UNC45A: variants seen among roughly 807,000 people sequenced by gnomAD.
UNC45A encodes the protein protein unc-45 homolog A.
UNC45A carries 78 observed loss-of-function variants against 103.2 expected under a neutral mutation model. The observed-to-expected ratio is 0.76, with a 90% CI of 0.63 to 0.91. The LOEUF is 0.91. Ranked by LOEUF, UNC45A falls within the 40% of genes least tolerant of loss-of-function variation. UNC45A has a pLI of 0.00. For missense variants in UNC45A, 1,193 were observed against 1,224.8 expected (o/e 0.97, Z 0.39); for synonymous variants, 495 against 504.6 (o/e 0.98, Z 0.25).
chr15:90,931,410 A>C (rs532110423), upstream of UNC45A: 11 of 1,591,758 alleles, frequency 6.9e-6, no homozygotes, highest in Admixed American at 1.8e-5. Context: ...ACCATCCTGC[A>C]TAAGAGTCGA....
At chr15:90,940,659 T>A in intron 6 of UNC45A, 186 bp downstream of exon 6, 1 of 603,208 alleles carries the variant, frequency 1.7e-6, no homozygotes, top group Non-Finnish European at 2.5e-6. Flanking sequence ...ACACCTGTAA[T>A]CCCAGCACTT....
At chr15:90,945,668 G>A (rs1171135951) in intron 9 of UNC45A, among the ~76,000 whole-genome samples, 1 of 139,004 alleles carries the variant, frequency 7.2e-6, no homozygotes. Flanking sequence ...TTTCGCTCTT[G>A]TTGCCCAGGC....
intron 13 of UNC45A, 53 bp downstream of exon 13, chr15:90,948,847 C>A: frequency 6.6e-7 from 1 of 1,505,360 alleles, no homozygotes; most frequent in Non-Finnish European, 8.9e-7. Context: ...GACAGCTAAC[C>A]CAGGGCATCC....
At chr15:90,942,290 C>A in intron 6 of UNC45A, 147 bp from the exon 7 acceptor site, 1 of 893,944 alleles carries the variant, frequency 1.1e-6, no homozygotes, top group Non-Finnish European at 1.7e-6. Context: ...CTGGGTCATG[C>A]CATCCATTCT....
intron 8 of UNC45A, 36 bp from the exon 9 acceptor site, chr15:90,944,856 C>G: frequency 2.5e-6 from 4 of 1,593,382 alleles, no homozygotes; most frequent in Non-Finnish European, 3.4e-6. Flanking sequence ...GGGGTTGGAA[C>G]TAGTGTTCTA....
upstream of UNC45A, chr15:90,934,927 C>A: frequency 2.3e-6 from 1 of 440,502 alleles, no homozygotes; most frequent in Non-Finnish European, 4.0e-6. Flanking sequence ...GATCCAGATA[C>A]TTTTTCTCTC....
intron 8 of UNC45A, among the ~76,000 whole-genome samples, chr15:90,943,999 T>TG (rs2036430829): frequency 6.7e-6 from 1 of 148,258 alleles, no homozygotes. Context: ...TTTTTTTTTT[T>TG]TTTTTTTTTT....
intron 10 of UNC45A, 134 bp downstream of exon 10, chr15:90,947,048 G>A (rs2036612821): frequency 1.9e-6 from 2 of 1,039,312 alleles, no homozygotes; most frequent in South Asian, 3.2e-5. Flanking sequence ...AATTAGCTAG[G>A]CTTGGTGGTG....
chr15:90,939,708 C>T, intron 4 of UNC45A, 23 bp from the exon 5 acceptor site: 2 of 1,613,402 alleles, frequency 1.2e-6, no homozygotes, highest in Non-Finnish European at 1.7e-6. Flanking sequence ...GTGATTTGTT[C>T]CATGCTTTGT....
chr15:90,931,363 G>A (rs2035783114), upstream of UNC45A: 10 of 1,554,666 alleles, frequency 6.4e-6, no homozygotes, highest in East Asian at 2.4e-4. Flanking sequence ...CACCACCTGC[G>A]CTGCCCACTC....
In UNC45A at chr15:90,940,187, G is replaced by T. The variant is rs991784906; in HGVS notation, c.520-119G>T. The T allele has an allele frequency of 2.6e-6, 3 of 1,135,274 alleles. No individual in the cohort carries two copies. In the South Asian group the frequency reaches 4.6e-5, roughly 18 times the overall value. The allele number at this position is 1,135,274 out of a possible 1,614,324, so 70.3% of individuals were successfully genotyped here. A position where few individuals can be genotyped will look rare whatever the true frequency, so the allele number is the denominator to read the frequency against. On this transcript the variant is annotated intron_variant, in intron 5 of 19. Transcript: ENST00000418476. ...ACTTCAAAGAGGTTATTTTTTGGCC[G>T]TGGTCACTCAACTGTGAAGTGGAAG...
chr15:90,950,735 C>T, intron 17 of UNC45A, 120 bp downstream of exon 17: 1 of 987,150 alleles, frequency 1.0e-6, no homozygotes, highest in Non-Finnish European at 1.5e-6. Flanking sequence ...CTCACAGTGA[C>T]TGCTCCGCAT....
At chr15:90,933,560 GTCA>G (rs1249513317), upstream of UNC45A, 3 of 152,536 alleles carry the variant, frequency 2.0e-5, no homozygotes, top group African/African-American at 7.3e-5. Flanking sequence ...AATGAAAGGA[GTCA>G]CCCTTGGTTT....
intron 10 of UNC45A, chr15:90,947,202 T>C (rs2036620080): frequency 2.5e-6 from 1 of 396,944 alleles, no homozygotes; most frequent in Non-Finnish European, 4.7e-6. Context: ...AATGGATGAA[T>C]GAACGAGATT....
upstream of UNC45A, chr15:90,935,226 C>A: frequency 8.0e-7 from 1 of 1,252,202 alleles, no homozygotes; most frequent in Non-Finnish European, 1.1e-6. Flanking sequence ...CCACCTCCGA[C>A]GCAAGAGTGG....
intron 6 of UNC45A, 118 bp from the exon 7 acceptor site, chr15:90,942,319 G>T (rs1299823251): frequency 3.3e-6 from 4 of 1,203,968 alleles, no homozygotes; most frequent in Non-Finnish European, 4.6e-6. Flanking sequence ...TTCACCTGGA[G>T]CTGGGCCTTC....
At position 90,950,257 on chromosome 15, in the gene UNC45A, C is replaced by G; in HGVS notation, c.2177C>G (p.Pro726Arg). ...TITSNPEMTF[P>R]GERIYEVVRP... ...ACCTCCAACCCGGAGATGACCTTCC[C>G]TGGCGAGCGGGTACGTGTCTTCCTG... The change falls in exon 16 of 20, where the codon CCT becomes CGT. Residue 726 changes from proline to arginine, a missense_variant. By Grantham distance (103) the Pro-to-Arg change is moderately radical (BLOSUM62 -2). Coordinates refer to ENST00000418476, the MANE Select transcript of UNC45A (RefSeq NM_018671.5). 6.4e-7 allele frequency: 1 copy of G among 1,551,754 alleles called. No individual in the cohort carries two copies. Among genetic ancestry groups the G allele is most frequent in the Non-Finnish European group, 8.7e-7 (1 of 1,147,014 alleles).
chr15:90,949,268 C>A, intron 13 of UNC45A, 48 bp from the exon 14 acceptor site: 1 of 1,582,108 alleles, frequency 6.3e-7, no homozygotes, highest in Non-Finnish European at 8.6e-7. Context: ...GTCCCCCTTT[C>A]TCTGTGAGTC....
intron 17 of UNC45A, among the ~76,000 whole-genome samples, chr15:90,951,448 C>T (rs1257322740): frequency 6.6e-6 from 1 of 152,154 alleles, no homozygotes; most frequent in Non-Finnish European, 1.5e-5. Context: ...GTAAGATGAT[C>T]CAGGTGCCTG....
Sources: allele counts gnomAD v4.1 joint callset (sites outside exome capture counted in the v4.1 genomes callset), GRCh38; gene constraint gnomAD v4.1.1; transcripts MANE v1.5; gene names NCBI Gene and HGNC (gene_info 2026-07-23, HGNC 2026-07-21).